PSMC1: variants seen among roughly 807,000 people sequenced by gnomAD.
The protein encoded by PSMC1 is 26S proteasome regulatory subunit 4.
PSMC1 carries 5 observed loss-of-function variants against 49.8 expected under a neutral mutation model. That is an observed-to-expected ratio of 0.10 (90% CI 0.05 to 0.21). The LOEUF is 0.21. Ranked by LOEUF, PSMC1 falls within the 10% of genes least tolerant of loss-of-function variation. PSMC1 has a pLI of 1.00. For synonymous variants in PSMC1, 155 were observed against 192.1 expected, an observed-to-expected ratio of 0.81 and a Z score of 1.60; for missense variants, 181 against 535.7, an observed-to-expected ratio of 0.34 and a Z score of 6.54.
intron 7 of PSMC1, among the ~76,000 whole-genome samples, chr14:90,266,708 C>T (rs963808778): frequency 1.3e-5 from 2 of 152,202 alleles, no homozygotes; most frequent in Admixed American, 1.3e-4. Flanking sequence ...TCAGTGAGCC[C>T]TCTGACCGCA....
rs760692995 is a variant in PSMC1 at position 90,272,433 on chromosome 14, T to C, written c.*26T>C. On this transcript the variant is annotated 3_prime_UTR_variant, in exon 11 of 11. Coordinates refer to ENST00000261303, the MANE Select transcript of PSMC1 (RefSeq NM_002802.3). This position sits in a 1 kb window ranked among gnomAD's most constrained non-coding sequence, Gnocchi z 4.5. Reference sequence around the variant, plus strand: ...TGAACCATGGCTGTCATCAGGAAAATGGTTGGGAGATTTCTCAATCCCTGA... The same window carrying C: ...TGAACCATGGCTGTCATCAGGAAAACGGTTGGGAGATTTCTCAATCCCTGA... The C allele has an allele frequency of 4.1e-5, 63 of 1,520,952 alleles. No individual in the cohort carries two copies. Among genetic ancestry groups the C allele is most frequent in the Non-Finnish European group, 5.3e-5 (60 of 1,127,666 alleles). The allele number at this position is 1,520,952 out of a possible 1,614,324, so 94.2% of individuals were successfully genotyped here.
intron 4 of PSMC1, 82 bp downstream of exon 4, chr14:90,263,524 G>C (rs1891442721): frequency 5.4e-6 from 8 of 1,472,170 alleles, no homozygotes; most frequent in Non-Finnish European, 6.4e-6. Flanking sequence ...AATTCAAGTA[G>C]CTGAACCTGT....
intron 3 of PSMC1, among the ~76,000 whole-genome samples, chr14:90,261,523 T>C (rs1300278371): frequency 6.6e-6 from 1 of 152,144 alleles, no homozygotes; most frequent in Non-Finnish European, 1.5e-5. Flanking sequence ...TTCAGGTCTG[T>C]GGGGAATAGG....
chr14:90,270,506 G>A, intron 10 of PSMC1, 154 bp downstream of exon 10: 1 of 828,346 alleles, frequency 1.2e-6, no homozygotes. Context: ...AATGGTATAT[G>A]TGCTTGATAT....
rs1891296093 is a variant in PSMC1 at position 90,256,558 on chromosome 14, A to G, written c.-40A>G. ...CGCCTCTGGCGGGCCGCAGTGGTGG[A>G]GGAACTTCCGGCAGCGGCAGCTCAA... On this transcript the variant is annotated 5_prime_UTR_variant, in exon 1 of 11. Transcript: ENST00000261303. 6.3e-7 allele frequency: 1 copy of G among 1,578,250 alleles called. No individual in the cohort carries two copies. The highest frequency in any genetic ancestry group is 1.8e-5 in the Admixed American group (1 of 54,512).
intron 8 of PSMC1, 113 bp downstream of exon 8, chr14:90,268,526 C>A: frequency 9.6e-7 from 1 of 1,044,738 alleles, no homozygotes; most frequent in Non-Finnish European, 1.4e-6. Flanking sequence ...TCTTGCTGTG[C>A]GTGGCCTTCC....
chr14:90,265,714 G>C (rs10131352), intron 7 of PSMC1, among the ~76,000 whole-genome samples: 4,715 of 149,152 alleles, frequency 0.032, 261 homozygotes, highest in African/African-American at 0.11. Flanking sequence ...AAAAGATTAG[G>C]TGGGCGTGGT....
At position 90,264,461 on chromosome 14, in the gene PSMC1, G is replaced by C. The variant is rs148008132; in HGVS notation, c.594+292G>C. ...GTTTCTGATTATGTTGACTTCAGTTGTGTTTATCTGGAAGCCTCCAGTGCT... is the reference window on the plus strand; with the variant it reads ...GTTTCTGATTATGTTGACTTCAGTTCTGTTTATCTGGAAGCCTCCAGTGCT... On this transcript the variant is annotated intron_variant, in intron 6 of 10. Coordinates refer to ENST00000261303, the MANE Select transcript of PSMC1 (RefSeq NM_002802.3). 3.0e-3 allele frequency among the ~76,000 whole-genome samples: 461 copies of C among 152,342 alleles called. 3 individuals carry two copies. Among genetic ancestry groups the C allele is most frequent in the African/African-American group, 0.011 (449 of 41,574 alleles).
chr14:90,264,838 A>T (rs575794327), intron 6 of PSMC1, among the ~76,000 whole-genome samples: 1 of 152,310 alleles, frequency 6.6e-6, no homozygotes, highest in East Asian at 1.9e-4. Flanking sequence ...ACTAGAAAGT[A>T]AAAGGGGAAT....
Position 90,274,839 on chromosome 14 carries a change from C to CACACACACACACACACA in PSMC1, c.*2432_*2433insACACACACACACACACA, listed in dbSNP as rs1566678175. ...ACACACACACACACACACACACACA[C>CACACACACACACACACA]CCCAATACATATGAATTGATCTGAA... On this transcript the variant is annotated 3_prime_UTR_variant, in exon 11 of 11. Transcript: ENST00000261303. The CACACACACACACACACA allele has an allele frequency of 1.6e-5, 2 of 121,402 alleles. No individual in the cohort carries two copies. Among genetic ancestry groups the CACACACACACACACACA allele is most frequent in the African/African-American group, 6.0e-5 (2 of 33,248 alleles). 7.5% of individuals were successfully genotyped at this position (121,402 alleles called of 1,614,324 possible). A position where few individuals can be genotyped will look rare whatever the true frequency, so the allele number is the denominator to read the frequency against.
At chr14:90,257,195 T>C (rs1016171321) in intron 1 of PSMC1, among the ~76,000 whole-genome samples, 1 of 127,514 alleles carries the variant, frequency 7.8e-6, no homozygotes. Flanking sequence ...AAGTATTTAC[T>C]GAGCACTTGG....
intron 5 of PSMC1, 85 bp downstream of exon 5, chr14:90,263,932 T>C: frequency 1.3e-6 from 2 of 1,588,588 alleles, no homozygotes; most frequent in Non-Finnish European, 1.7e-6. Flanking sequence ...TGGAAGTAGA[T>C]CACCAAAGCA....
chr14:90,268,488 C>G (rs955657564), intron 8 of PSMC1, 75 bp downstream of exon 8: 10 of 1,394,066 alleles, frequency 7.2e-6, no homozygotes, highest in Non-Finnish European at 9.0e-6. Flanking sequence ...AATGAGCAAT[C>G]TCAGGGGGCT....
rs1891771969 is a variant in PSMC1 at position 90,274,968 on chromosome 14, T to G, written c.*2561T>G. 6.6e-6 allele frequency: 1 copy of G among 152,222 alleles called. No homozygotes were observed. Among genetic ancestry groups the G allele is most frequent in the Non-Finnish European group, 1.5e-5 (1 of 68,036 alleles). 9.4% of individuals were successfully genotyped at this position (152,222 alleles called of 1,614,324 possible). A position where few individuals can be genotyped will look rare whatever the true frequency, so the allele number is the denominator to read the frequency against. On this transcript the variant is annotated 3_prime_UTR_variant, in exon 11 of 11. Coordinates refer to ENST00000261303, the MANE Select transcript of PSMC1 (RefSeq NM_002802.3). The stretch of plus-strand genomic sequence containing the variant: ...CTGGAGATGCCCAGCAGACACCGTC[T>G]TCACCAAGTGGTCAAATGCACATCA...
intron 1 of PSMC1, among the ~76,000 whole-genome samples, chr14:90,257,923 T>G (rs545855898): frequency 6.6e-6 from 1 of 152,346 alleles, no homozygotes; most frequent in East Asian, 1.9e-4. Flanking sequence ...CTGGGTAGTA[T>G]TCTAAGCATG....
chr14:90,260,501 G>A (rs540266566), intron 3 of PSMC1, among the ~76,000 whole-genome samples: 11 of 152,208 alleles, frequency 7.2e-5, no homozygotes, highest in Non-Finnish European at 1.6e-4. Flanking sequence ...GGAGGCCGAG[G>A]CGGGCGGATC....
In PSMC1 at chr14:90,260,134, A is replaced by G; in HGVS notation, c.77A>G (p.Glu26Gly). The G allele has an allele frequency of 6.3e-7, 1 of 1,589,578 alleles. No individual in the cohort carries two copies. Among genetic ancestry groups the G allele is most frequent in the Non-Finnish European group, 8.5e-7 (1 of 1,173,586 alleles). ...CTCAAGGACAAGAAAAAGAAATATG[A>G]ACCTCCTGTACCAACTAGAGTGGGG... ...KDDKDKKKKY[E>G]PPVPTRVGKK... Residue 26 changes from glutamate (E) to glycine (G), a missense_variant, in exon 3 of 11, where the codon GAA becomes GGA. Coordinates refer to ENST00000261303, the MANE Select transcript of PSMC1 (RefSeq NM_002802.3).
Position 90,272,266 on chromosome 14 carries a change from C to T in PSMC1, c.1189-7C>T, listed in dbSNP as rs775225237. Reference sequence around the variant, plus strand: ...TCACTTTCTGAACACACTCTTCTTTCTTACAGGCAATCTGTACAGAAGCTG... The same window carrying T: ...TCACTTTCTGAACACACTCTTCTTTTTTACAGGCAATCTGTACAGAAGCTG... On this transcript the variant is annotated splice_polypyrimidine_tract_variant and splice_region_variant and intron_variant, in intron 10 of 10. Coordinates refer to ENST00000261303, the MANE Select transcript of PSMC1 (RefSeq NM_002802.3). This position sits in a 1 kb window ranked among gnomAD's most constrained non-coding sequence, Gnocchi z 4.5. 6.2e-7 allele frequency: 1 copy of T among 1,601,898 alleles called. No individual in the cohort carries two copies. Among genetic ancestry groups the T allele is most frequent in the African/African-American group, 1.4e-5 (1 of 74,034 alleles).
At position 90,268,203 on chromosome 14, in the gene PSMC1, T is replaced by TTA. The variant is rs967279059; in HGVS notation, c.692-21_692-20insTA. 19 of 1,543,328 alleles carry TTA rather than the reference T, an allele frequency of 1.2e-5. No individual in the cohort carries two copies. In the African/African-American group the frequency reaches 2.5e-4, roughly 20 times the overall value. On this transcript the variant is annotated intron_variant, in intron 7 of 10. Coordinates refer to ENST00000261303, the MANE Select transcript of PSMC1 (RefSeq NM_002802.3). Reference sequence around the variant, plus strand: ...GCACTTAAGGTGTCTTTTTTTTTTTTATCTTTTTCATCCAAAATAGGTAAA... The same window carrying TTA: ...GCACTTAAGGTGTCTTTTTTTTTTTTTAATCTTTTTCATCCAAAATAGGTAAA...
Sources: gnomAD v4.1 joint callset for allele counts (sites outside exome capture counted in the v4.1 genomes callset) on GRCh38, gnomAD v4.1.1 for gene constraint, Gnocchi (gnomAD v3.1) non-coding constraint, MANE v1.5 for transcripts, NCBI Gene and HGNC (gene_info 2026-07-23, HGNC 2026-07-21) for gene names.